Variants in PLEKHA7 observed in about 807,000 individuals in gnomAD.
The protein encoded by PLEKHA7 is pleckstrin homology domain-containing family A member 7.
Under a neutral mutation model 170.0 loss-of-function variants are expected in PLEKHA7, and 104 were observed. The ratio of observed to expected loss-of-function variants is 0.61; its 90% CI spans 0.52 to 0.72. PLEKHA7 has a LOEUF of 0.72. Ranked by LOEUF, PLEKHA7 falls within the 30% of genes least tolerant of loss-of-function variation. PLEKHA7 has a pLI of 0.00. For missense variants in PLEKHA7, 1,615 were observed against 1,671.7 expected, an observed-to-expected ratio of 0.97 and a Z score of 0.59; for synonymous variants, 648 against 660.8, an observed-to-expected ratio of 0.98 and a Z score of 0.30.
intron 3 of PLEKHA7, among the ~76,000 whole-genome samples, chr11:17,007,577 T>C (rs1461797784): frequency 1.4e-5 from 2 of 145,794 alleles, no homozygotes; most frequent in Admixed American, 6.8e-5. Flanking sequence ...AAAGATGCTT[T>C]TTTTTTTTTT....
intron 3 of PLEKHA7, among the ~76,000 whole-genome samples, chr11:16,878,748 C>G (rs1338772867): frequency 6.6e-6 from 1 of 152,156 alleles, no homozygotes; most frequent in Non-Finnish European, 1.5e-5. Context: ...AGGCATGCAC[C>G]ACCACGCCCA....
At chr11:17,009,391 A>G (rs1321971939) in intron 3 of PLEKHA7, among the ~76,000 whole-genome samples, 1 of 152,212 alleles carries the variant, frequency 6.6e-6, no homozygotes, top group East Asian at 1.9e-4. Context: ...TGTCTGTAAA[A>G]CGAAACTAGT....
At chr11:16,780,982 A>G in intron 26 of PLEKHA7, 1 of 985,908 alleles carries the variant, frequency 1.0e-6, no homozygotes, top group Non-Finnish European at 1.2e-6. Context: ...GTCCGTTGGT[A>G]AAAGGGGGGT....
chr11:17,009,289 C>T (rs1344212691), intron 3 of PLEKHA7, among the ~76,000 whole-genome samples: 1 of 152,156 alleles, frequency 6.6e-6, no homozygotes, highest in East Asian at 1.9e-4. Flanking sequence ...TCCCCTCCTG[C>T]CTCCAGGGGC....
At chr11:16,863,575 G>A (rs964451025) in intron 4 of PLEKHA7, among the ~76,000 whole-genome samples, 18 of 152,168 alleles carry the variant, frequency 1.2e-4, no homozygotes, top group African/African-American at 4.3e-4. Flanking sequence ...GGCAGAGCCT[G>A]GGGATCGGTG....
intron 9 of PLEKHA7, among the ~76,000 whole-genome samples, chr11:16,838,227 G>C (rs1260648418): frequency 6.6e-6 from 1 of 152,196 alleles, no homozygotes; most frequent in Admixed American, 6.5e-5. Flanking sequence ...TGCCCATTGA[G>C]CTGGGCATGG....
intron 16 of PLEKHA7, 28 bp from the exon 17 acceptor site, chr11:16,801,103 C>T (rs773821232): frequency 1.3e-6 from 2 of 1,593,792 alleles, no homozygotes; most frequent in South Asian, 2.2e-5. Context: ...GCTTCCGGTT[C>T]TTAGTTATCC....
intron 3 of PLEKHA7, among the ~76,000 whole-genome samples, chr11:16,917,209 A>C (rs558411526): frequency 3.3e-3 from 506 of 152,004 alleles, no homozygotes; most frequent in Non-Finnish European, 5.5e-3. Flanking sequence ...ACACAGCAAG[A>C]CCCTGTCTCA....
chr11:16,822,326 C>T (rs1177582524), intron 10 of PLEKHA7, among the ~76,000 whole-genome samples: 1 of 151,868 alleles, frequency 6.6e-6, no homozygotes, highest in Admixed American at 6.6e-5. Context: ...TAACTTTGAC[C>T]CTGTAGCTCT....
intron 3 of PLEKHA7, among the ~76,000 whole-genome samples, chr11:16,876,922 G>C (rs920296024): frequency 6.6e-6 from 1 of 152,196 alleles, no homozygotes; most frequent in African/African-American, 2.4e-5. Context: ...ATGCTTAACA[G>C]AACAGTGGGG....
intron 3 of PLEKHA7, among the ~76,000 whole-genome samples, chr11:16,987,541 C>T (rs1265706959): frequency 1.3e-5 from 2 of 152,150 alleles, no homozygotes; most frequent in Non-Finnish European, 1.5e-5. Context: ...TTTGCTTACC[C>T]TATCCCTGCT....
chr11:16,840,761 T>C (rs1287359557), intron 9 of PLEKHA7, among the ~76,000 whole-genome samples: 1 of 152,144 alleles, frequency 6.6e-6, no homozygotes, highest in Non-Finnish European at 1.5e-5. Context: ...TTATATTTAA[T>C]GAGGTCTGTA....
intron 3 of PLEKHA7, among the ~76,000 whole-genome samples, chr11:16,908,378 G>A (rs1858004917): frequency 6.6e-6 from 1 of 152,074 alleles, no homozygotes; most frequent in Admixed American, 6.5e-5. Context: ...AGATGACTAT[G>A]TGAGGATACA....
chr11:16,955,865 A>C (rs12280548), intron 3 of PLEKHA7, among the ~76,000 whole-genome samples: 8,892 of 152,196 alleles, frequency 0.058, 845 homozygotes, highest in African/African-American at 0.2. Context: ...GGTTATCTAG[A>C]AAGAGGGGGA....
At position 16,868,924 on chromosome 11, in the gene PLEKHA7, T is replaced by C. The variant is rs184980795; in HGVS notation, c.305+2175A>G. On this transcript the variant is annotated intron_variant, in intron 4 of 26. Transcript: ENST00000531066. Reference sequence around the variant, plus strand: ...ATTGTGTGTGACAAGTGTTTTGTAATGGTAGGTCTGCATTTTCCTGCAGCT... The same window carrying C: ...ATTGTGTGTGACAAGTGTTTTGTAACGGTAGGTCTGCATTTTCCTGCAGCT... Among the ~76,000 whole-genome samples the C allele has an allele frequency of 1.5e-3, 229 of 152,310 alleles. 2 individuals are homozygous for C. The highest frequency in any genetic ancestry group is 4.4e-5 in the Non-Finnish European group (3 of 68,026).
intron 4 of PLEKHA7, among the ~76,000 whole-genome samples, chr11:16,868,592 G>C (rs1433044469): frequency 6.6e-6 from 1 of 152,128 alleles, no homozygotes; most frequent in Non-Finnish European, 1.5e-5. Context: ...TACTCACTAG[G>C]TATTTAATGT....
At chr11:16,907,243 C>T (rs1451025615) in intron 3 of PLEKHA7, among the ~76,000 whole-genome samples, 7 of 140,456 alleles carry the variant, frequency 5.0e-5, no homozygotes, top group Non-Finnish European at 9.1e-5. Flanking sequence ...CCAGCCGCCC[C>T]GTCCGGGAAG....
chr11:16,841,855 G>A, intron 8 of PLEKHA7, 133 bp from the exon 9 acceptor site: 1 of 818,838 alleles, frequency 1.2e-6, no homozygotes, highest in Non-Finnish European at 1.9e-6. Flanking sequence ...TCCACACCTA[G>A]AAAACATCAT....
intron 10 of PLEKHA7, among the ~76,000 whole-genome samples, chr11:16,820,459 C>T (rs1850120202): frequency 6.6e-6 from 1 of 152,186 alleles, no homozygotes; most frequent in African/African-American, 2.4e-5. Flanking sequence ...GTCGGCCTGC[C>T]ACTAGGTGGC....
Sources: gnomAD v4.1 joint callset for allele counts (sites outside exome capture counted in the v4.1 genomes callset) on GRCh38, gnomAD v4.1.1 for gene constraint, MANE v1.5 for transcripts, NCBI Gene and HGNC (gene_info 2026-07-23, HGNC 2026-07-21) for gene names.